The following DYNC2H1 variants were observed in gnomAD, a reference collection of about 807,000 sequenced individuals.
DYNC2H1 encodes the protein dynein cytoplasmic 2 heavy chain 1, also known as cytoplasmic dynein 2 heavy chain 1.
A neutral mutation model predicts 570.0 loss-of-function variants in DYNC2H1; 410 were observed. The observed-to-expected ratio is 0.72, with a 90% CI of 0.66 to 0.78. The LOEUF is 0.78. DYNC2H1 is among the 30% of genes least tolerant of loss of function. The probability of loss-of-function intolerance (pLI) is 0.00; values close to 1 mark genes in which losing one functional copy is unlikely to be tolerated. For synonymous variants in DYNC2H1, 1,688 were observed against 1,677.6 expected, an observed-to-expected ratio of 1.01 and a Z score of -0.15; for missense variants, 4,865 against 5,046.4, an observed-to-expected ratio of 0.96 and a Z score of 1.09.
chr11:103,122,760 C>T, intron 10 of DYNC2H1, 65 bp from the exon 11 acceptor site: 1 of 1,411,748 alleles, frequency 7.1e-7, no homozygotes, highest in South Asian at 1.4e-5. Context: ...GAAGGGGACT[C>T]CTTACTTTAT....
At chr11:103,217,853 T>C (rs1025517709) in intron 55 of DYNC2H1, among the ~76,000 whole-genome samples, 2 of 152,190 alleles carry the variant, frequency 1.3e-5, no homozygotes, top group Admixed American at 1.3e-4. Context: ...ATTTTAAAAA[T>C]ACTGCAACTC....
chr11:103,234,261 G>T, intron 61 of DYNC2H1, 101 bp downstream of exon 61: 3 of 1,338,714 alleles, frequency 2.2e-6, no homozygotes, highest in Non-Finnish European at 3.0e-6. Flanking sequence ...CCATTAATTT[G>T]CACCTGGCTC....
intron 83 of DYNC2H1, among the ~76,000 whole-genome samples, chr11:103,376,591 T>C (rs1011906667): frequency 2.0e-5 from 3 of 151,538 alleles, no homozygotes; most frequent in Non-Finnish European, 4.4e-5. Flanking sequence ...CTCCTTTCTC[T>C]CTCCCATTTA....
chr11:103,392,917 C>G (rs1228609090), intron 83 of DYNC2H1, among the ~76,000 whole-genome samples: 2 of 146,056 alleles, frequency 1.4e-5, no homozygotes, highest in Non-Finnish European at 3.0e-5. Flanking sequence ...GAGTTTCGCT[C>G]TTGTCACCCA....
In DYNC2H1 at chr11:103,152,182, G is replaced by A. The variant is rs372269011; in HGVS notation, c.2993G>A (p.Arg998Gln). 1.9e-5 allele frequency: 31 copies of A among 1,605,270 alleles called. No individual in the cohort carries two copies. Among genetic ancestry groups the A allele is most frequent in the African/African-American group, 1.4e-4 (10 of 73,914 alleles). Residue 998 changes from arginine (R) to glutamine (Q), a missense_variant, in exon 21 of 89, where the codon CGA (arginine) becomes CAA (glutamine). By Grantham distance (43) the Arg-to-Gln change is conservative (BLOSUM62 1). Coordinates refer to ENST00000375735, the MANE Select transcript of DYNC2H1 (RefSeq NM_001377.3). Reference protein sequence around the residue: ...QEAEDKNRLLRTVAGGGLETI... With the variant: ...QEAEDKNRLLQTVAGGGLETI... ...GCTGAAGACAAAAACAGACTTTTAC[G>A]AACTGTGGCTGGTGGAGGTTTAGAA...
chr11:103,176,561 A>G (rs1565369077), intron 37 of DYNC2H1, 127 bp downstream of exon 37: 3 of 696,298 alleles, frequency 4.3e-6, no homozygotes, highest in Non-Finnish European at 6.3e-6. Context: ...TGCTCAGGGA[A>G]GTCTTCCCAG....
chr11:103,147,816 A>AG lies in DYNC2H1; in HGVS notation c.2748dup (p.Thr917AspfsTer4). 6.2e-7 allele frequency: 1 copy of AG among 1,611,952 alleles called. No homozygotes were observed. The highest frequency in any genetic ancestry group is 1.7e-5 in the Admixed American group (1 of 59,876). On this transcript the variant is annotated frameshift_variant, in exon 19 of 89. Transcript: ENST00000375735. LOFTEE classifies it high-confidence loss of function. ...TTAAATATTAATTGCAACCCTGTGA[A>AG]GACTGTGATTGATGATCTCATCCAG...
Position 103,179,076 on chromosome 11 carries a change from G to A in DYNC2H1, c.6190G>A (p.Glu2064Lys), listed in dbSNP as rs1285063081. The part of the protein sequence containing the change: ...CDGDIDPEWI[E>K]SLNSVLDDNR... Reference sequence around the variant, plus strand: ...TGGTGATATTGACCCTGAATGGATAGAATCTCTGAATTCTGTTCTGGATGA... The same window carrying A: ...TGGTGATATTGACCCTGAATGGATAAAATCTCTGAATTCTGTTCTGGATGA... The change falls in exon 39 of 89, where the codon GAA (glutamate) becomes AAA (lysine). Residue 2064 changes from glutamate (E) to lysine (K), a missense_variant. This residue lies in a region of DYNC2H1 where 231 missense variants were observed against 310.3 expected (regional missense o/e 0.74). Transcript: ENST00000375735. 1 of 1,612,506 alleles carries A rather than the reference G, an allele frequency of 6.2e-7. No individual in the cohort carries two copies. Among genetic ancestry groups the A allele is most frequent in the Non-Finnish European group, 8.5e-7 (1 of 1,178,990 alleles).
intron 87 of DYNC2H1, among the ~76,000 whole-genome samples, chr11:103,463,087 A>G (rs1009655628): frequency 1.4e-4 from 21 of 152,192 alleles, no homozygotes; most frequent in Admixed American, 6.5e-5. Context: ...TTCTTTCAAT[A>G]TATTGTAAAC....
At chr11:103,468,787 C>A in intron 88 of DYNC2H1, 82 bp downstream of exon 88, 2 of 1,133,366 alleles carry the variant, frequency 1.8e-6, no homozygotes, top group Non-Finnish European at 1.2e-6. Flanking sequence ...CATTCTTGGC[C>A]TGTGTATTTT....
In DYNC2H1 at chr11:103,288,684, TA is replaced by T. The variant is rs57040929; in HGVS notation, c.11095+1105del. On this transcript the variant is annotated intron_variant, in intron 75 of 88. Transcript: ENST00000375735. ...CTACATGGTGAAACCCCGTCTCTAC[TA>T]AAAAAAAAAAAAAAAAAAAAAAAAA... Among the ~76,000 whole-genome samples, 111 of 27,902 alleles carry T rather than the reference TA, an allele frequency of 4.0e-3. 2 individuals carry two copies. The highest frequency in any genetic ancestry group is 0.021 in the South Asian group (12 of 566). 18.3% of individuals were successfully genotyped at this position (27,902 alleles called of 152,430 possible).
chr11:103,262,398 A>T (rs1276636376), intron 70 of DYNC2H1, among the ~76,000 whole-genome samples: 2 of 152,156 alleles, frequency 1.3e-5, no homozygotes, highest in African/African-American at 4.8e-5. Context: ...ACACATAATC[A>T]TCAGATTCAC....
intron 83 of DYNC2H1, among the ~76,000 whole-genome samples, chr11:103,365,606 G>A (rs1347389471): frequency 6.6e-6 from 1 of 152,088 alleles, no homozygotes; most frequent in African/African-American, 2.4e-5. Context: ...GATCTGGGCT[G>A]TTTCTAACCT....
At chr11:103,304,462 A>T in intron 76 of DYNC2H1, 133 bp from the exon 77 acceptor site, 1 of 1,009,066 alleles carries the variant, frequency 9.9e-7, no homozygotes, top group Non-Finnish European at 1.3e-6. Flanking sequence ...TATTAGTTTG[A>T]TTCTTCTTCC....
chr11:103,345,381 A>G (rs970853076), intron 82 of DYNC2H1, among the ~76,000 whole-genome samples: 2 of 152,152 alleles, frequency 1.3e-5, no homozygotes, highest in Non-Finnish European at 2.9e-5. Context: ...TATGCTTAGG[A>G]ATAGAATTGT....
At chr11:103,125,527 G>C (rs555105455) in intron 12 of DYNC2H1, among the ~76,000 whole-genome samples, 3 of 152,162 alleles carry the variant, frequency 2.0e-5, no homozygotes, top group African/African-American at 7.2e-5. Flanking sequence ...TTAGAAAATA[G>C]TATGTTATTC....
At chr11:103,200,018 C>T (rs200587145) in intron 49 of DYNC2H1, 28 bp from the exon 50 acceptor site, 22 of 1,443,692 alleles carry the variant, frequency 1.5e-5, no homozygotes, top group Admixed American at 7.8e-5. Context: ...ACTTAAAGGG[C>T]ACTAAAAAAT....
At position 103,205,052 on chromosome 11, in the gene DYNC2H1, A is replaced by G. The variant is rs1436578328; in HGVS notation, c.8454+88A>G. 2 of 1,215,450 alleles carry G rather than the reference A, an allele frequency of 1.6e-6. No individual in the cohort carries two copies. The highest frequency in any genetic ancestry group is 1.1e-6 in the Non-Finnish European group (1 of 879,202). 75.3% of individuals were successfully genotyped at this position (1,215,450 alleles called of 1,614,324 possible). A position where few individuals can be genotyped will look rare whatever the true frequency, so the allele number is the denominator to read the frequency against. On this transcript the variant is annotated intron_variant, in intron 52 of 88. Transcript: ENST00000375735. The surrounding 1 kb of genome is among the most constrained non-coding windows in gnomAD (Gnocchi z 4.5). ...ACAACTTCTCTTTGGTGTTGGTTAT[A>G]ACATCACCTTAATTATGGCACCAAA...
intron 26 of DYNC2H1, 128 bp downstream of exon 26, chr11:103,156,898 C>A: frequency 8.6e-7 from 1 of 1,157,458 alleles, no homozygotes; most frequent in Non-Finnish European, 1.2e-6. Flanking sequence ...AAATTCTTTC[C>A]TAGTGGATCC....
Sources: allele counts gnomAD v4.1 joint callset (sites outside exome capture counted in the v4.1 genomes callset), GRCh38; gene constraint gnomAD v4.1.1; regional missense constraint gnomAD v4.1.1; non-coding constraint Gnocchi (gnomAD v3.1); transcripts MANE v1.5; gene names NCBI Gene and HGNC (gene_info 2026-07-23, HGNC 2026-07-21).